The following SOX6 variants were observed in gnomAD, a reference collection of about 807,000 sequenced individuals.
SOX6 encodes the protein transcription factor SOX-6.
SOX6 carries 11 observed loss-of-function variants against 97.8 expected under a neutral mutation model. The observed-to-expected ratio is 0.11, with a 90% CI of 0.07 to 0.19. The LOEUF (loss-of-function observed/expected upper bound fraction) is 0.19. Among genes scored for constraint, SOX6 ranks in the 10% least tolerant of loss-of-function variants. SOX6 has a pLI of 1.00. For missense variants in SOX6, 810 were observed against 1,039.5 expected (o/e 0.78, Z 3.04); for synonymous variants, 360 against 371.4 (o/e 0.97, Z 0.35).
intron 12 of SOX6, among the ~76,000 whole-genome samples, chr11:16,043,291 G>A (rs1269253365): frequency 1.3e-5 from 2 of 152,102 alleles, no homozygotes; most frequent in Admixed American, 6.6e-5. Flanking sequence ...AACCCAGGGC[G>A]GTAACTTAGA....
chr11:16,707,208 G>A (rs1216033362), intron 3 of SOX6, among the ~76,000 whole-genome samples: 3 of 151,998 alleles, frequency 2.0e-5, no homozygotes, highest in Non-Finnish European at 4.4e-5. Context: ...AAATAAATTA[G>A]TCAGTTTTTC....
Position 15,971,297 on chromosome 11 carries a change from G to A in SOX6, c.*1512C>T, listed in dbSNP as rs933458501. The A allele has an allele frequency of 6.5e-6, 1 of 152,732 alleles. No individual in the cohort carries two copies. Among genetic ancestry groups the A allele is most frequent in the African/African-American group, 2.4e-5 (1 of 41,540 alleles). The allele number at this position is 152,732 out of a possible 1,614,324, so 9.5% of individuals were successfully genotyped here. ...TGTCATGTGGCTTTTTGCATCCTGGGGATTTTGCAATGAACTCCCTAGATG... is the reference window on the plus strand; with the variant it reads ...TGTCATGTGGCTTTTTGCATCCTGGAGATTTTGCAATGAACTCCCTAGATG... On this transcript the variant is annotated 3_prime_UTR_variant, in exon 16 of 16. Transcript: ENST00000683767.
At chr11:16,056,464 G>T (rs1189069576) in intron 9 of SOX6, among the ~76,000 whole-genome samples, 1 of 152,070 alleles carries the variant, frequency 6.6e-6, no homozygotes, top group Non-Finnish European at 1.5e-5. Flanking sequence ...CTTATTTCTA[G>T]GCAGCGTATA....
At chr11:16,354,371 A>T (rs973537943) in intron 1 of SOX6, among the ~76,000 whole-genome samples, 2 of 152,018 alleles carry the variant, frequency 1.3e-5, no homozygotes, top group Non-Finnish European at 2.9e-5. Context: ...TACACATCAC[A>T]ATAAATAAAA....
intron 6 of SOX6, among the ~76,000 whole-genome samples, chr11:16,176,821 T>G: frequency 1.3e-5 from 2 of 152,056 alleles, no homozygotes; most frequent in Middle Eastern, 6.8e-3. Context: ...AGAAAGGATC[T>G]GAAATACTGG....
At chr11:16,555,859 T>C (rs933552409) in intron 4 of SOX6, among the ~76,000 whole-genome samples, 6 of 151,664 alleles carry the variant, frequency 4.0e-5, no homozygotes, top group African/African-American at 1.4e-4. Flanking sequence ...AATCCAATAA[T>C]ATATTTTGTT....
chr11:16,024,514 C>G lies in SOX6; in HGVS notation c.1624-9464G>C, dbSNP rs564036411. ...TCTGTTGACAGCCTTGTCCATCCATCTATATATTTATCTATGATTCTTCAA... is the reference window on the plus strand; with the variant it reads ...TCTGTTGACAGCCTTGTCCATCCATGTATATATTTATCTATGATTCTTCAA... On this transcript the variant is annotated intron_variant, in intron 12 of 15. Coordinates refer to ENST00000683767, the MANE Select transcript of SOX6 (RefSeq NM_001367873.1). Among the ~76,000 whole-genome samples, 214 of 151,002 alleles carry G rather than the reference C, an allele frequency of 1.4e-3. 1 individual carries two copies. The highest frequency in any genetic ancestry group is 5.1e-3 in the African/African-American group (211 of 41,070).
At chr11:16,641,617 T>G (rs577815641) in intron 3 of SOX6, among the ~76,000 whole-genome samples, 1 of 152,260 alleles carries the variant, frequency 6.6e-6, no homozygotes, top group Non-Finnish European at 1.5e-5. Context: ...ATACTTAGGA[T>G]AGTTAGCTCT....
intron 6 of SOX6, among the ~76,000 whole-genome samples, chr11:16,176,874 G>A (rs1851201822): frequency 6.6e-6 from 1 of 151,882 alleles, no homozygotes; most frequent in Admixed American, 6.6e-5. Flanking sequence ...GGTTCCCCTT[G>A]TGGCTCTGAT....
chr11:16,331,082 C>A (rs1460689266), intron 2 of SOX6, among the ~76,000 whole-genome samples: 1 of 152,180 alleles, frequency 6.6e-6, no homozygotes, highest in Non-Finnish European at 1.5e-5. Context: ...TAGAGCTCCT[C>A]TTAAGAGGTA....
chr11:16,405,978 T>G (rs753483917), intron 1 of SOX6, among the ~76,000 whole-genome samples: 15 of 152,088 alleles, frequency 9.9e-5, no homozygotes, highest in African/African-American at 1.4e-4. Flanking sequence ...TCCTACTGTA[T>G]GAACTTACCT....
At chr11:16,642,539 C>T (rs1433743709) in intron 3 of SOX6, among the ~76,000 whole-genome samples, 1 of 152,228 alleles carries the variant, frequency 6.6e-6, no homozygotes, top group East Asian at 1.9e-4. Context: ...CTCCCCGTCA[C>T]TTTCAGGTAC....
At chr11:16,084,708 G>A (rs1470874469) in intron 9 of SOX6, among the ~76,000 whole-genome samples, 1 of 152,162 alleles carries the variant, frequency 6.6e-6, no homozygotes, top group African/African-American at 2.4e-5. Flanking sequence ...GAACATGTAA[G>A]ACAGCAAGCC....
chr11:16,670,771 T>C (rs944747838), intron 3 of SOX6, among the ~76,000 whole-genome samples: 19 of 152,132 alleles, frequency 1.2e-4, no homozygotes, highest in Admixed American at 7.9e-4. Flanking sequence ...CTGAGGTCCC[T>C]TCCTCGGCTG....
rs941798771 is a variant in SOX6, at chr11:16,723,285, T to C, written n.354-8380A>G. 4.6e-5 allele frequency among the ~76,000 whole-genome samples: 7 copies of C among 152,120 alleles called. No individual in the cohort carries two copies. In the East Asian group the frequency reaches 9.7e-4, roughly 21 times the overall value. ...GAGGCATCTAAATGATAAGAACTTA[T>C]GAACACAAAGAAGGAAACAACAGAC... On this transcript the variant is annotated intron_variant and non_coding_transcript_variant, in intron 2 of 5. Transcript: ENST00000524520.
chr11:16,372,055 T>G (rs1229214531), intron 1 of SOX6, among the ~76,000 whole-genome samples: 3 of 152,144 alleles, frequency 2.0e-5, no homozygotes, highest in African/African-American at 7.2e-5. Flanking sequence ...ACTGCCTTAA[T>G]TTGTTTACAT....
At chr11:16,270,273 C>T (rs1854212241) in intron 3 of SOX6, among the ~76,000 whole-genome samples, 1 of 151,206 alleles carries the variant, frequency 6.6e-6, no homozygotes, top group African/African-American at 2.4e-5. Context: ...AAATGCAAAT[C>T]ACAACTGCAA....
At position 16,186,848 on chromosome 11, in the gene SOX6, G is replaced by T; in HGVS notation, c.643C>A (p.Leu215Met). The change falls in exon 5 of 16, where the codon CTG (leucine) becomes ATG (methionine). Residue 215 changes from leucine to methionine, a missense_variant. Around this residue, in one of 9 missense-constraint regions of SOX6, gnomAD observed 110 missense variants for 119.0 expected, o/e 0.92. Coordinates refer to ENST00000683767, the MANE Select transcript of SOX6 (RefSeq NM_001367873.1). Reference sequence around the variant, plus strand: ...TGTTTCTCAATTTGTGACGCTGCCAGTTTTTTCTGTTCATCATGCGCTGCC... The same window carrying T: ...TGTTTCTCAATTTGTGACGCTGCCATTTTTTTCTGTTCATCATGCGCTGCC... ...LLAAHDEQKK[L>M]AASQIEKQRQ... is the part of the protein sequence containing the mutation. 3 of 1,613,778 alleles carry T rather than the reference G, an allele frequency of 1.9e-6. No individual in the cohort carries two copies. The South Asian group carries it at 3.3e-5, about 18-fold the overall frequency.
At chr11:16,482,278 C>T (rs575846310) in intron 4 of SOX6, among the ~76,000 whole-genome samples, 2 of 152,140 alleles carry the variant, frequency 1.3e-5, no homozygotes, top group Middle Eastern at 3.4e-3. Flanking sequence ...ATTCCATTAC[C>T]GTAAAATCAA....
Sources: gnomAD v4.1 joint callset for allele counts (sites outside exome capture counted in the v4.1 genomes callset) on GRCh38, gnomAD v4.1.1 for gene constraint, gnomAD v4.1.1 regional missense constraint, MANE v1.5 for transcripts, NCBI Gene and HGNC (gene_info 2026-07-23, HGNC 2026-07-21) for gene names.